Variants in GPC5 observed in about 807,000 individuals in gnomAD.
GPC5 encodes the protein glypican 5.
Under a neutral mutation model 53.9 loss-of-function variants are expected in GPC5, and 47 were observed. That is an observed-to-expected ratio of 0.87 (90% CI 0.69 to 1.11). The LOEUF (loss-of-function observed/expected upper bound fraction) is 1.11, where lower values mean the gene tolerates loss of function less well. Among genes scored for constraint, GPC5 ranks in the 50% most tolerant of loss-of-function variants. The pLI is 0.00. For missense variants in GPC5, 748 were observed against 713.1 expected (o/e 1.05, Z -0.56); for synonymous variants, 286 against 263.3 (o/e 1.09, Z -0.84).
intron 7 of GPC5, among the ~76,000 whole-genome samples, chr13:92,841,207 T>C (rs1177481369): frequency 6.6e-6 from 1 of 152,158 alleles, no homozygotes; most frequent in Non-Finnish European, 1.5e-5. Context: ...GATATTTGCA[T>C]CATCATTTGC....
At chr13:92,124,936 C>T (rs572254960) in intron 6 of GPC5, among the ~76,000 whole-genome samples, 6 of 152,246 alleles carry the variant, frequency 3.9e-5, no homozygotes, top group African/African-American at 1.2e-4. Context: ...ATGAGCTAGA[C>T]CTGGTGCCTT....
At chr13:91,843,591 G>T (rs1288063551) in intron 5 of GPC5, among the ~76,000 whole-genome samples, 1 of 152,148 alleles carries the variant, frequency 6.6e-6, no homozygotes, top group Non-Finnish European at 1.5e-5. Flanking sequence ...AAACAACTGA[G>T]AAATTACTTA....
At chr13:92,576,384 G>A (rs1413468109) in intron 7 of GPC5, among the ~76,000 whole-genome samples, 6 of 151,048 alleles carry the variant, frequency 4.0e-5, no homozygotes, top group Non-Finnish European at 7.4e-5. Context: ...TTAAAGTTTA[G>A]TTCTCAGTGT....
chr13:92,324,842 G>A (rs1325849283), intron 7 of GPC5, among the ~76,000 whole-genome samples: 1 of 151,788 alleles, frequency 6.6e-6, no homozygotes, highest in Non-Finnish European at 1.5e-5. Flanking sequence ...ACAAATAAAA[G>A]GAGATGGACT....
chr13:91,450,295 T>C (rs780154204), intron 2 of GPC5, among the ~76,000 whole-genome samples: 7 of 152,190 alleles, frequency 4.6e-5, no homozygotes, highest in Non-Finnish European at 7.3e-5. Flanking sequence ...GTGATTTAGC[T>C]GAGTTAGAAG....
At chr13:91,742,986 C>A (rs74855101) in intron 4 of GPC5, among the ~76,000 whole-genome samples, 13,827 of 152,028 alleles carry the variant, frequency 0.091, 793 homozygotes, top group African/African-American at 0.17. Flanking sequence ...TCTATGTAGG[C>A]GCTTTGCCGA....
At chr13:92,519,957 A>C (rs193221604) in intron 7 of GPC5, among the ~76,000 whole-genome samples, 1 of 152,320 alleles carries the variant, frequency 6.6e-6, no homozygotes, top group African/African-American at 2.4e-5. Context: ...ATCACCACCG[A>C]TCCCACAGAA....
rs529941217 is a variant in GPC5, at chr13:92,160,763, AT to A, written c.1561+15776del. ...ACAGGGGAAAAGTTGAGGCAAGGCA[AT>A]TAATTCATAAATGAATAATAAAAAG... On this transcript the variant is annotated intron_variant, in intron 7 of 7. Coordinates refer to ENST00000377067, the MANE Select transcript of GPC5 (RefSeq NM_004466.6). Among the ~76,000 whole-genome samples the A allele has an allele frequency of 3.0e-3, 460 of 152,322 alleles. 1 individual carries two copies. The highest frequency in any genetic ancestry group is 0.011 in the African/African-American group (443 of 41,572).
intron 6 of GPC5, among the ~76,000 whole-genome samples, chr13:91,942,717 G>T (rs188699582): frequency 3.3e-4 from 50 of 151,812 alleles, no homozygotes; most frequent in African/African-American, 1.1e-3. Flanking sequence ...CATTATTAAT[G>T]TTTTGTATGT....
intron 5 of GPC5, among the ~76,000 whole-genome samples, chr13:91,757,863 C>A (rs2037328247): frequency 6.6e-6 from 1 of 152,028 alleles, no homozygotes; most frequent in Non-Finnish European, 1.5e-5. Flanking sequence ...CATTATTTAG[C>A]AAATTAACTT....
intron 6 of GPC5, among the ~76,000 whole-genome samples, chr13:91,994,160 C>T (rs2040483258): frequency 6.6e-6 from 1 of 152,090 alleles, no homozygotes. Flanking sequence ...TAAGAAAAGG[C>T]CAGTCCTCGA....
At chr13:91,517,570 T>G (rs1885570457) in intron 2 of GPC5, among the ~76,000 whole-genome samples, 1 of 152,238 alleles carries the variant, frequency 6.6e-6, no homozygotes, top group Admixed American at 6.5e-5. Context: ...TCTTTTCTTC[T>G]GAGCCCTCCA....
chr13:91,442,089 T>G (rs1880478851), intron 1 of GPC5, among the ~76,000 whole-genome samples: 1 of 152,190 alleles, frequency 6.6e-6, no homozygotes, highest in Admixed American at 6.5e-5. Context: ...AAAAATATTT[T>G]TTATTATTAA....
intron 7 of GPC5, among the ~76,000 whole-genome samples, chr13:92,843,085 T>C (rs887707100): frequency 1.3e-5 from 2 of 152,194 alleles, no homozygotes; most frequent in Non-Finnish European, 2.9e-5. Flanking sequence ...GTTAAATTAT[T>C]TTCAATAACT....
intron 6 of GPC5, among the ~76,000 whole-genome samples, chr13:92,057,718 G>T (rs2041087527): frequency 6.6e-6 from 1 of 152,146 alleles, no homozygotes; most frequent in Non-Finnish European, 1.5e-5. Flanking sequence ...GATCCAGAAT[G>T]ATGGTATAAT....
chr13:92,504,043 T>C (rs921872859), intron 7 of GPC5, among the ~76,000 whole-genome samples: 1 of 151,954 alleles, frequency 6.6e-6, no homozygotes, highest in Non-Finnish European at 1.5e-5. Context: ...GTTTTGTTCT[T>C]GTTCTACTTT....
chr13:92,342,363 A>G (rs1380520142), intron 7 of GPC5, among the ~76,000 whole-genome samples: 2 of 152,080 alleles, frequency 1.3e-5, no homozygotes, highest in Non-Finnish European at 2.9e-5. Flanking sequence ...TACGGTCTAA[A>G]TGTTTGTGTA....
At chr13:92,611,688 T>C (rs1232794868) in intron 7 of GPC5, among the ~76,000 whole-genome samples, 1 of 152,174 alleles carries the variant, frequency 6.6e-6, no homozygotes, top group East Asian at 1.9e-4. Context: ...CAAACACTTA[T>C]TTAATGAATT....
chr13:91,881,799 T>TA (rs758888004), intron 5 of GPC5, among the ~76,000 whole-genome samples: 1 of 152,178 alleles, frequency 6.6e-6, no homozygotes, highest in Non-Finnish European at 1.5e-5. Context: ...TTCCTCATGT[T>TA]ACTCTGTTGA....
Sources: allele counts gnomAD v4.1 joint callset (sites outside exome capture counted in the v4.1 genomes callset), GRCh38; gene constraint gnomAD v4.1.1; transcripts MANE v1.5; gene names NCBI Gene and HGNC (gene_info 2026-07-23, HGNC 2026-07-21).